The following ZDBF2 variants were observed in gnomAD, a reference collection of about 807,000 sequenced individuals.
The protein encoded by ZDBF2 is DBF4-type zinc finger-containing protein 2.
A neutral mutation model predicts 9.4 loss-of-function variants in ZDBF2; 6 were observed. The observed-to-expected ratio is 0.64, with a 90% CI of 0.35 to 1.27. The LOEUF (loss-of-function observed/expected upper bound fraction) is 1.27. ZDBF2 is among the 50% of genes most tolerant of loss of function. The pLI is 0.03. For missense variants in ZDBF2, 2,697 were observed against 2,766.8 expected (o/e 0.97, Z 0.57); for synonymous variants, 905 against 946.3 (o/e 0.96, Z 0.80).
chr2:206,284,423 A>G (rs1691494695), intron 3 of ZDBF2, among the ~76,000 whole-genome samples: 1 of 152,168 alleles, frequency 6.6e-6, no homozygotes, highest in South Asian at 2.1e-4. Context: ...TCAAACTTTT[A>G]TCATTTCTTT....
Position 206,309,002 on chromosome 2 carries a change from C to G in ZDBF2, c.4474C>G (p.Gln1492Glu), listed in dbSNP as rs373010420. The change falls in exon 5 of 5, where the codon CAA (glutamine) becomes GAA (glutamate). Residue 1492 changes from glutamine to glutamate, a missense_variant. Physicochemically the swap from Gln to Glu is conservative, Grantham distance 29. Around this residue, in one of 3 missense-constraint regions of ZDBF2, gnomAD observed 1,783 missense variants for 1,776.5 expected, o/e 1.00. Coordinates refer to ENST00000374423, the MANE Select transcript of ZDBF2 (RefSeq NM_020923.3). ...TGTTGTCATGGAAGAAAAGACCGAT[C>G]AACCTAGTGATTCAGAAATGATGTA... ...EHVVMEEKTD[Q>E]PSDSEMMYDS... 2 of 1,613,692 alleles carry G rather than the reference C, an allele frequency of 1.2e-6. No individual in the cohort carries two copies. The highest frequency in any genetic ancestry group is 2.2e-5 in the South Asian group (2 of 91,050).
At chr2:206,275,622 C>T (rs1335838299) in intron 1 of ZDBF2, among the ~76,000 whole-genome samples, 1 of 152,152 alleles carries the variant, frequency 6.6e-6, no homozygotes, top group Non-Finnish European at 1.5e-5. Context: ...TAACAAGATA[C>T]TGGTTCTCAA....
At chr2:206,277,530 C>T (rs1020773458) in intron 1 of ZDBF2, among the ~76,000 whole-genome samples, 1 of 151,694 alleles carries the variant, frequency 6.6e-6, no homozygotes, top group African/African-American at 2.4e-5. Flanking sequence ...GCTTTGGATT[C>T]ATAAAAAGGC....
intron 3 of ZDBF2, among the ~76,000 whole-genome samples, chr2:206,286,967 G>A (rs964381227): frequency 1.3e-5 from 2 of 152,156 alleles, no homozygotes; most frequent in Non-Finnish European, 2.9e-5. Context: ...CCCTCTTGGT[G>A]TTAGGTCTGA....
At position 206,292,424 on chromosome 2, in the gene ZDBF2, A is replaced by G. The variant is rs569494014; in HGVS notation, c.61-4822A>G. Among the ~76,000 whole-genome samples the G allele has an allele frequency of 1.2e-4, 19 of 152,314 alleles. No homozygotes were observed. The South Asian group carries it at 3.9e-3, about 32-fold the overall frequency. On this transcript the variant is annotated intron_variant, in intron 3 of 4. Transcript: ENST00000374423. ...AGGAAAAGGGATAGTTGTATAGGCA[A>G]GAGTAACAGATTGAAAAAGTTAAAT...
At chr2:206,282,002 C>G in intron 3 of ZDBF2, 93 bp downstream of exon 3, 1 of 1,161,030 alleles carries the variant, frequency 8.6e-7, no homozygotes, top group Non-Finnish European at 1.2e-6. Flanking sequence ...ATTCATTGAA[C>G]AGATCATATT....
intron 1 of ZDBF2, among the ~76,000 whole-genome samples, chr2:206,277,959 A>G (rs1013377006): frequency 6.6e-6 from 1 of 152,184 alleles, no homozygotes; most frequent in Non-Finnish European, 1.5e-5. Flanking sequence ...ATACTATGCA[A>G]TCATTAAACA....
chr2:206,305,329 T>C lies in ZDBF2; in HGVS notation c.801T>C (p.Asp267=), dbSNP rs1017210691. The C allele has an allele frequency of 5.0e-6, 8 of 1,612,200 alleles. No homozygotes were observed. Among genetic ancestry groups the C allele is most frequent in the Non-Finnish European group, 6.8e-6 (8 of 1,179,178 alleles). ...SNRKSLRMNS[D]KLVLWKDVKS... Reference sequence around the variant, plus strand: ...GGAAATCTTTACGCATGAATTCAGATAAGTTGGTTTTGTGGAAAGATGTAA... The same window carrying C: ...GGAAATCTTTACGCATGAATTCAGACAAGTTGGTTTTGTGGAAAGATGTAA... The change falls in exon 5 of 5, where the codon GAT becomes GAC. Residue 267 remains aspartate, a synonymous_variant. Transcript: ENST00000374423.
chr2:206,278,988 G>A (rs766392964), intron 1 of ZDBF2, among the ~76,000 whole-genome samples: 5 of 152,104 alleles, frequency 3.3e-5, no homozygotes, highest in Non-Finnish European at 5.9e-5. Flanking sequence ...TGATTATACC[G>A]TGGTGTCACT....
chr2:206,275,351 C>T (rs1159448921), intron 1 of ZDBF2, among the ~76,000 whole-genome samples: 1 of 152,162 alleles, frequency 6.6e-6, no homozygotes, highest in Non-Finnish European at 1.5e-5. Context: ...TCCCGAGCCA[C>T]CTGTCCACAC....
rs942763218 is a variant in ZDBF2, at chr2:206,310,626, A to G, written c.6098A>G (p.His2033Arg). The change falls in exon 5 of 5, where the codon CAT (histidine) becomes CGT (arginine). Residue 2033 changes from histidine to arginine, a missense_variant. Physicochemically the swap from His to Arg is conservative, Grantham distance 29 (BLOSUM62 0). Coordinates refer to ENST00000374423, the MANE Select transcript of ZDBF2 (RefSeq NM_020923.3). ...EGLPFPKMRHHSWDNDIRFIC... is the reference protein window; with the variant it reads ...EGLPFPKMRHRSWDNDIRFIC... ...CTTCCTTTCCCTAAAATGAGGCACC[A>G]TAGTTGGGATAATGATATTCGGTTT... 1.2e-6 allele frequency: 2 copies of G among 1,609,446 alleles called. No individual in the cohort carries two copies. Among genetic ancestry groups the G allele is most frequent in the African/African-American group, 1.3e-5 (1 of 74,968 alleles).
At position 206,308,791 on chromosome 2, in the gene ZDBF2, G is replaced by A. The variant is rs1692968849; in HGVS notation, c.4263G>A (p.Val1421=). Reference sequence around the variant, plus strand: ...CTTCTCATATTCCTGTTCAGTTTGTGACTGATCAATCTTCTGTACCTGTCA... The same window carrying A: ...CTTCTCATATTCCTGTTCAGTTTGTAACTGATCAATCTTCTGTACCTGTCA... ...SYASHIPVQF[V]TDQSSVPVKE... Residue 1421 remains valine, a synonymous_variant, in exon 5 of 5, where the codon GTG becomes GTA. Transcript: ENST00000374423. The A allele has an allele frequency of 5.0e-6, 8 of 1,613,676 alleles. No homozygotes were observed. Among genetic ancestry groups the A allele is most frequent in the Non-Finnish European group, 4.2e-6 (5 of 1,179,832 alleles).
chr2:206,306,688 T>C lies in ZDBF2; in HGVS notation c.2160T>C (p.Asp720=). Residue 720 remains aspartate (D), a synonymous_variant, in exon 5 of 5, where the codon GAT becomes GAC. Coordinates refer to ENST00000374423, the MANE Select transcript of ZDBF2 (RefSeq NM_020923.3). ...SPASLYHSAH[D]EPQEALDEVN... ...CTTCTCTTTATCATTCAGCTCATGA[T>C]GAGCCTCAAGAAGCTTTGGATGAAG... The C allele has an allele frequency of 1.2e-6, 2 of 1,613,862 alleles. No individual in the cohort carries two copies. The highest frequency in any genetic ancestry group is 2.2e-5 in the South Asian group (2 of 91,080).
Position 206,309,670 on chromosome 2 carries a change from C to T in ZDBF2, c.5142C>T (p.Ala1714=). 6.2e-7 allele frequency: 1 copy of T among 1,613,832 alleles called. No individual in the cohort carries two copies. The highest frequency in any genetic ancestry group is 8.5e-7 in the Non-Finnish European group (1 of 1,179,862). ...GTGCTTCTGCAGTGGATTTTGGTGC[C>T]TCTTCCAAGTCAGCGCTCCATCGAA... is the stretch of plus-strand genomic sequence containing the variant. ...QSSASAVDFG[A]SSKSALHRRA... Residue 1714 remains alanine (A), a synonymous_variant, in exon 5 of 5, where the codon GCC becomes GCT. Coordinates refer to ENST00000374423, the MANE Select transcript of ZDBF2 (RefSeq NM_020923.3).
chr2:206,305,060 G>A lies in ZDBF2; in HGVS notation c.532G>A (p.Val178Ile). Reference sequence around the variant, plus strand: ...GGCTACAAATAATAGAAGCAACTTGGTACGCCCCCCAGTGATTTGTAATGC... The same window carrying A: ...GGCTACAAATAATAGAAGCAACTTGATACGCCCCCCAGTGATTTGTAATGC... Reference protein sequence around the residue: ...GQATNNRSNLVRPPVICNAPA... With the variant: ...GQATNNRSNLIRPPVICNAPA... Residue 178 changes from valine to isoleucine, a missense_variant, in exon 5 of 5, where the codon GTA (valine) becomes ATA (isoleucine). Transcript: ENST00000374423. The A allele has an allele frequency of 1.2e-6, 2 of 1,613,780 alleles. No homozygotes were observed. The highest frequency in any genetic ancestry group is 1.7e-6 in the Non-Finnish European group (2 of 1,179,814).
At chr2:206,283,707 A>G (rs934940259) in intron 3 of ZDBF2, among the ~76,000 whole-genome samples, 3 of 152,088 alleles carry the variant, frequency 2.0e-5, no homozygotes, top group South Asian at 2.1e-4. Flanking sequence ...ATTATTGCCC[A>G]GGCTGGAGGG....
intron 1 of ZDBF2, among the ~76,000 whole-genome samples, chr2:206,277,707 T>A (rs1204546351): frequency 3.5e-4 from 47 of 134,344 alleles, no homozygotes; most frequent in African/African-American, 1.0e-3. Flanking sequence ...AAGACATGTC[T>A]CGAAACTCTA....
intron 1 of ZDBF2, among the ~76,000 whole-genome samples, chr2:206,277,899 A>G (rs1043750238): frequency 6.6e-6 from 1 of 152,140 alleles, no homozygotes; most frequent in African/African-American, 2.4e-5. Context: ...TAACCCACCA[A>G]CTACTGGTTC....
At chr2:206,293,574 G>A (rs1033829861) in intron 3 of ZDBF2, among the ~76,000 whole-genome samples, 14 of 152,136 alleles carry the variant, frequency 9.2e-5, no homozygotes, top group Non-Finnish European at 1.5e-5. Context: ...ATTTCTACAA[G>A]TCCATAAGGA....
Sources: gnomAD v4.1 joint callset for allele counts (sites outside exome capture counted in the v4.1 genomes callset) on GRCh38, gnomAD v4.1.1 for gene constraint, gnomAD v4.1.1 regional missense constraint, MANE v1.5 for transcripts, NCBI Gene and HGNC (gene_info 2026-07-23, HGNC 2026-07-21) for gene names.